The following DNALI1 variants were observed in gnomAD, a reference collection of about 807,000 sequenced individuals.
DNALI1 encodes axonemal dynein light intermediate polypeptide 1.
In DNALI1, 31 loss-of-function variants were observed where a neutral mutation model predicts 33.9. The observed-to-expected ratio is 0.91, with a 90% CI of 0.69 to 1.23. The LOEUF (loss-of-function observed/expected upper bound fraction) is 1.23, where lower values mean the gene tolerates loss of function less well. DNALI1 is among the 50% of genes most tolerant of loss of function. The probability of loss-of-function intolerance (pLI) is 0.00; values close to 1 mark genes in which losing one functional copy is unlikely to be tolerated. For missense variants in DNALI1, 305 were observed against 323.8 expected, an observed-to-expected ratio of 0.94 and a Z score of 0.44; for synonymous variants, 117 against 129.2, an observed-to-expected ratio of 0.91 and a Z score of 0.64.
rs1557633278 is a variant in DNALI1 at position 37,562,033 on chromosome 1, T to TC, written c.577-46dup. On this transcript the variant is annotated intron_variant, in intron 4 of 5. Transcript: ENST00000652629. The surrounding 1 kb of genome is among the most constrained non-coding windows in gnomAD (Gnocchi z 5.8). ...TCCCTTCCACCCAGGCTCACACCAT[T>TC]CCATTCACCTGGCGACATCCCAGGA... 1 of 1,612,018 alleles carries TC rather than the reference T, an allele frequency of 6.2e-7. No homozygotes were observed. The highest frequency in any genetic ancestry group is 1.7e-5 in the Admixed American group (1 of 59,974).
chr1:37,561,987 C>T lies in DNALI1; in HGVS notation c.577-94C>T. ...CTCCCACTGGGTGGCAGTATATACCCTGGCAATGTCATGTCCCATGTCCCT... is the reference window on the plus strand; with the variant it reads ...CTCCCACTGGGTGGCAGTATATACCTTGGCAATGTCATGTCCCATGTCCCT... On this transcript the variant is annotated intron_variant, in intron 4 of 5. Transcript: ENST00000652629. This position sits in a 1 kb window ranked among gnomAD's most constrained non-coding sequence, Gnocchi z 4.6. 1 of 1,569,282 alleles carries T rather than the reference C, an allele frequency of 6.4e-7. No individual in the cohort carries two copies. Among genetic ancestry groups the T allele is most frequent in the South Asian group, 1.2e-5 (1 of 85,236 alleles).
intron 1 of DNALI1, among the ~76,000 whole-genome samples, chr1:37,557,302 G>A (rs1643382873): frequency 1.3e-5 from 2 of 152,148 alleles, no homozygotes; most frequent in Non-Finnish European, 2.9e-5. Flanking sequence ...ACAGGGAGAT[G>A]GATGGGGCTC....
intron 5 of DNALI1, among the ~76,000 whole-genome samples, chr1:37,563,763 T>C (rs1161228305): frequency 6.6e-6 from 1 of 152,060 alleles, no homozygotes; most frequent in Non-Finnish European, 1.5e-5. Context: ...AGTGCTGGAA[T>C]TACAGGCTTG....
chr1:37,565,481 C>A lies in DNALI1; in HGVS notation c.*420C>A. The A allele has an allele frequency of 6.1e-6, 1 of 164,874 alleles. No individual in the cohort carries two copies. The allele number at this position is 164,874 out of a possible 1,614,324, so 10.2% of individuals were successfully genotyped here. ...AATTCATCTTCTACCTTAACTTGGG[C>A]TTCTTGGGCCTCTGGCCTTCCTTAC... On this transcript the variant is annotated 3_prime_UTR_variant, in exon 6 of 6. Transcript: ENST00000652629.
In DNALI1 at chr1:37,559,851, T is replaced by C. The variant is rs1419311684; in HGVS notation, c.397+355T>C. Among the ~76,000 whole-genome samples the C allele has an allele frequency of 6.6e-6, 1 of 152,156 alleles. No homozygotes were observed. The highest frequency in any genetic ancestry group is 2.4e-5 in the African/African-American group (1 of 41,446). Reference sequence around the variant, plus strand: ...GGTCTCTGAGTTTCCTCAGTATTTATTGATTACTATTTTCACTATCTCAGC... The same window carrying C: ...GGTCTCTGAGTTTCCTCAGTATTTACTGATTACTATTTTCACTATCTCAGC... On this transcript the variant is annotated intron_variant, in intron 3 of 5. Transcript: ENST00000652629. The surrounding 1 kb of genome is among the most constrained non-coding windows in gnomAD (Gnocchi z 5.3).
In DNALI1 at chr1:37,561,423, T is replaced by C. The variant is rs1197726598; in HGVS notation, c.398-134T>C. The stretch of plus-strand genomic sequence containing the variant: ...GAAGGCACCCTCCCTGAGGCCCTTC[T>C]CTGAGGCCTTGCACTTTGTCTCCAA... On this transcript the variant is annotated intron_variant, in intron 3 of 5. Coordinates refer to ENST00000652629, the MANE Select transcript of DNALI1 (RefSeq NM_003462.5). This position sits in a 1 kb window ranked among gnomAD's most constrained non-coding sequence, Gnocchi z 4.6. 5 of 1,183,072 alleles carry C rather than the reference T, an allele frequency of 4.2e-6. No homozygotes were observed. Among genetic ancestry groups the C allele is most frequent in the Non-Finnish European group, 4.7e-6 (4 of 850,316 alleles). The allele number at this position is 1,183,072 out of a possible 1,614,324, so 73.3% of individuals were successfully genotyped here. A position where few individuals can be genotyped will look rare whatever the true frequency, so the allele number is the denominator to read the frequency against.
chr1:37,562,226 G>T lies in DNALI1; in HGVS notation c.722G>T (p.Arg241Leu), dbSNP rs199870103. ...AATGAGGAGATTCAGTTCCTGAAGC[G>T]AACAAATCAGCAGCTGAAGGTAATC... ...KHNEEIQFLK[R>L]TNQQLKAQLE... Residue 241 changes from arginine (R) to leucine (L), a missense_variant, in exon 5 of 6, where the codon CGA becomes CTA. By Grantham distance (102) the Arg-to-Leu change is moderately radical. Transcript: ENST00000652629. The surrounding 1 kb of genome is among the most constrained non-coding windows in gnomAD (Gnocchi z 5.8). The T allele has an allele frequency of 6.2e-7, 1 of 1,613,184 alleles. No homozygotes were observed. The highest frequency in any genetic ancestry group is 1.7e-5 in the Admixed American group (1 of 59,940).
chr1:37,560,247 A>G (rs1394530250), intron 3 of DNALI1, among the ~76,000 whole-genome samples: 1 of 152,178 alleles, frequency 6.6e-6, no homozygotes, highest in Admixed American at 6.5e-5. Flanking sequence ...CAGACCCTTC[A>G]CGGGTGTCAG....
At chr1:37,564,903 G>T in intron 5 of DNALI1, 123 bp from the exon 6 acceptor site, 1 of 1,008,076 alleles carries the variant, frequency 9.9e-7, no homozygotes, top group South Asian at 1.3e-5. Flanking sequence ...GGGGATCAAG[G>T]GGAAAAAGAA....
Position 37,561,574 on chromosome 1 carries a change from G to A in DNALI1, c.415G>A (p.Val139Ile), listed in dbSNP as rs1437179225. The A allele has an allele frequency of 6.2e-7, 1 of 1,613,830 alleles. No individual in the cohort carries two copies. The highest frequency in any genetic ancestry group is 1.7e-5 in the Admixed American group (1 of 59,986). ...SQCFDELIRE[V>I]TINCAERGLL... ...ATTGGAAGATGAGTTGATCCGGGAG[G>A]TCACCATCAACTGTGCGGAGAGGGG... is the stretch of plus-strand genomic sequence containing the variant. The change falls in exon 4 of 6, where the codon GTC (valine) becomes ATC (isoleucine). Residue 139 changes from valine to isoleucine, a missense_variant. By Grantham distance (29) the Val-to-Ile change is conservative (BLOSUM62 3). Coordinates refer to ENST00000652629, the MANE Select transcript of DNALI1 (RefSeq NM_003462.5). The surrounding 1 kb of genome is among the most constrained non-coding windows in gnomAD (Gnocchi z 4.6).
chr1:37,562,849 A>G lies in DNALI1; in HGVS notation c.741+604A>G, dbSNP rs1444327787. The stretch of plus-strand genomic sequence containing the variant: ...GGTGGACAAAGCTGGGCAGGAGGCC[A>G]TGCTACAGGCACTGCAACTCCCAGC... On this transcript the variant is annotated intron_variant, in intron 5 of 5. Transcript: ENST00000652629. The surrounding 1 kb of genome is among the most constrained non-coding windows in gnomAD (Gnocchi z 5.8). Among the ~76,000 whole-genome samples, 2 of 152,342 alleles carry G rather than the reference A, an allele frequency of 1.3e-5. No individual in the cohort carries two copies. The highest frequency in any genetic ancestry group is 2.1e-4 in the South Asian group (1 of 4,832).
At position 37,565,423 on chromosome 1, in the gene DNALI1, T is replaced by C; in HGVS notation, c.*362T>C. On this transcript the variant is annotated 3_prime_UTR_variant, in exon 6 of 6. Transcript: ENST00000652629. ...CAATACTTATTTCTGGCCAAATGAA[T>C]CTGCTTCTCTGCCCCTCAAACTTTT... 1 of 193,126 alleles carries C rather than the reference T, an allele frequency of 5.2e-6. No individual in the cohort carries two copies. The highest frequency in any genetic ancestry group is 5.8e-5 in the Admixed American group (1 of 17,194). The allele number at this position is 193,126 out of a possible 1,614,324, so 12.0% of individuals were successfully genotyped here. A position where few individuals can be genotyped will look rare whatever the true frequency, so the allele number is the denominator to read the frequency against.
chr1:37,559,639 C>G lies in DNALI1; in HGVS notation c.397+143C>G. 1.0e-6 allele frequency: 1 copy of G among 975,080 alleles called. No homozygotes were observed. The highest frequency in any genetic ancestry group is 1.4e-6 in the Non-Finnish European group (1 of 724,616). 60.4% of individuals were successfully genotyped at this position (975,080 alleles called of 1,614,324 possible). A position where few individuals can be genotyped will look rare whatever the true frequency, so the allele number is the denominator to read the frequency against. ...CCTCTTCTCCCCCTGCCTGACCCAC[C>G]CAGCAACAGCTAACTGCCCCCTTCC... On this transcript the variant is annotated intron_variant, in intron 3 of 5. Coordinates refer to ENST00000652629, the MANE Select transcript of DNALI1 (RefSeq NM_003462.5). The surrounding 1 kb of genome is among the most constrained non-coding windows in gnomAD (Gnocchi z 5.3).
chr1:37,559,634 C>G lies in DNALI1; in HGVS notation c.397+138C>G. The stretch of plus-strand genomic sequence containing the variant: ...AATCCCCTCTTCTCCCCCTGCCTGA[C>G]CCACCCAGCAACAGCTAACTGCCCC... On this transcript the variant is annotated intron_variant, in intron 3 of 5. Coordinates refer to ENST00000652629, the MANE Select transcript of DNALI1 (RefSeq NM_003462.5). This position sits in a 1 kb window ranked among gnomAD's most constrained non-coding sequence, Gnocchi z 5.3. The G allele has an allele frequency of 9.5e-7, 1 of 1,054,090 alleles. No homozygotes were observed. The allele number at this position is 1,054,090 out of a possible 1,614,324, so 65.3% of individuals were successfully genotyped here. A position where few individuals can be genotyped will look rare whatever the true frequency, so the allele number is the denominator to read the frequency against.
Position 37,566,819 on chromosome 1 carries a change from C to T in DNALI1, c.*1758C>T, listed in dbSNP as rs145404846. 3.6e-4 allele frequency: 572 copies of T among 1,588,724 alleles called. 3 individuals carry two copies. The African/African-American group carries it at 6.7e-3, about 19-fold the overall frequency. ...GGAAGAAAACACAATTTCTAACTGC[C>T]TGTTTTTGTATAATTTAATAAAAAC... On this transcript the variant is annotated 3_prime_UTR_variant, in exon 6 of 6. Transcript: ENST00000652629.
chr1:37,558,913 C>T (rs1472225528), intron 2 of DNALI1, among the ~76,000 whole-genome samples: 3 of 152,232 alleles, frequency 2.0e-5, no homozygotes, highest in Non-Finnish European at 2.9e-5. Context: ...ATGAACCTCT[C>T]CACCCCGATA....
At chr1:37,558,415 A>G (rs1464960017) in intron 2 of DNALI1, among the ~76,000 whole-genome samples, 1 of 152,200 alleles carries the variant, frequency 6.6e-6, no homozygotes, top group Non-Finnish European at 1.5e-5. Context: ...CCCCTAAGTC[A>G]TAAGTCAGAT....
Position 37,559,344 on chromosome 1 carries a change from C to A in DNALI1, c.245C>A (p.Thr82Lys). 6.2e-7 allele frequency: 1 copy of A among 1,604,962 alleles called. No homozygotes were observed. Among genetic ancestry groups the A allele is most frequent in the Non-Finnish European group, 8.5e-7 (1 of 1,175,940 alleles). ...TGCCACAGGGAGTGGGTGGAAGACA[C>A]GCAGCTATGGATCCAGCAGGTGTCC... ...ILPPREWVEDTQLWIQQVSST... is the reference protein window; with the variant it reads ...ILPPREWVEDKQLWIQQVSST... Residue 82 changes from threonine to lysine, a missense_variant, in exon 3 of 6, where the codon ACG becomes AAG. By Grantham distance (78) the Thr-to-Lys change is moderately conservative. Coordinates refer to ENST00000652629, the MANE Select transcript of DNALI1 (RefSeq NM_003462.5). The surrounding 1 kb of genome is among the most constrained non-coding windows in gnomAD (Gnocchi z 5.3).
Position 37,561,921 on chromosome 1 carries a change from A to G in DNALI1, c.577-160A>G. The G allele has an allele frequency of 8.0e-6, 11 of 1,376,606 alleles. No individual in the cohort carries two copies. In the South Asian group the frequency reaches 1.4e-4, roughly 17 times the overall value. The allele number at this position is 1,376,606 out of a possible 1,614,324, so 85.3% of individuals were successfully genotyped here. ...TGATGGCCAGCCTGGTGGTCTTGGC[A>G]GAGTTGTTTCCGCTGTAGACGCTCC... On this transcript the variant is annotated intron_variant, in intron 4 of 5. Transcript: ENST00000652629. The surrounding 1 kb of genome is among the most constrained non-coding windows in gnomAD (Gnocchi z 4.6).
Sources: allele counts gnomAD v4.1 joint callset (sites outside exome capture counted in the v4.1 genomes callset), GRCh38; gene constraint gnomAD v4.1.1; non-coding constraint Gnocchi (gnomAD v3.1); transcripts MANE v1.5; gene names NCBI Gene and HGNC (gene_info 2026-07-23, HGNC 2026-07-21).